MEMO1: variants seen among roughly 807,000 people sequenced by gnomAD.
MEMO1 encodes protein MEMO1.
Under a neutral mutation model 45.2 loss-of-function variants are expected in MEMO1, and 6 were observed. That is an observed-to-expected ratio of 0.13 (90% CI 0.07 to 0.26). The LOEUF (loss-of-function observed/expected upper bound fraction) is 0.26. MEMO1 is among the 10% of genes least tolerant of loss of function. MEMO1 has a pLI of 1.00. For synonymous variants in MEMO1, 78 were observed against 124.3 expected, an observed-to-expected ratio of 0.63 and a Z score of 2.48; for missense variants, 184 against 370.5, an observed-to-expected ratio of 0.50 and a Z score of 4.13.
chr2:31,928,827 C>A (rs556611918), intron 4 of MEMO1, among the ~76,000 whole-genome samples: 2 of 151,980 alleles, frequency 1.3e-5, no homozygotes, highest in South Asian at 4.2e-4. Flanking sequence ...AATGTTATAC[C>A]CCGCTTTTTT....
chr2:32,003,096 A>T (rs1673610595), intron 2 of MEMO1, among the ~76,000 whole-genome samples: 1 of 152,152 alleles, frequency 6.6e-6, no homozygotes, highest in African/African-American at 2.4e-5. Context: ...ACACACCAAG[A>T]TGTATTATTT....
chr2:31,882,768 C>T (rs1227932765), intron 8 of MEMO1, among the ~76,000 whole-genome samples: 6 of 152,072 alleles, frequency 3.9e-5, no homozygotes, highest in Admixed American at 1.3e-4. Context: ...GGTAAAGGGG[C>T]AATAATTTAA....
chr2:31,960,663 G>A (rs767869038), intron 2 of MEMO1, among the ~76,000 whole-genome samples: 1 of 152,026 alleles, frequency 6.6e-6, no homozygotes, highest in Non-Finnish European at 1.5e-5. Context: ...TTGGCTCACT[G>A]CAACCTCCAC....
intron 8 of MEMO1, among the ~76,000 whole-genome samples, chr2:31,876,532 C>A (rs749835851): frequency 1.3e-5 from 2 of 152,148 alleles, no homozygotes; most frequent in Non-Finnish European, 2.9e-5. Flanking sequence ...TTGCTTACTG[C>A]TGTATCTCCA....
chr2:31,959,130 C>T (rs1667713856), intron 2 of MEMO1, among the ~76,000 whole-genome samples: 1 of 152,052 alleles, frequency 6.6e-6, no homozygotes, highest in African/African-American at 2.4e-5. Context: ...TTGGACACAC[C>T]AAAAGTTATA....
intron 2 of MEMO1, among the ~76,000 whole-genome samples, chr2:31,944,585 C>T (rs899448213): frequency 2.0e-5 from 3 of 152,194 alleles, no homozygotes; most frequent in African/African-American, 4.8e-5. Context: ...AAGAGCCAAA[C>T]GGTATTTCTG....
At chr2:31,967,671 T>C (rs758446666) in intron 2 of MEMO1, among the ~76,000 whole-genome samples, 1 of 151,980 alleles carries the variant, frequency 6.6e-6, no homozygotes, top group Non-Finnish European at 1.5e-5. Context: ...CTCAAACTCC[T>C]GGGCTCAAGT....
chr2:31,987,214 G>A (rs1193482003), intron 2 of MEMO1, among the ~76,000 whole-genome samples: 1 of 152,048 alleles, frequency 6.6e-6, no homozygotes, highest in Non-Finnish European at 1.5e-5. Context: ...TGTTGTCCTG[G>A]CTGGTCTCAA....
chr2:31,951,332 A>G (rs1324958851), intron 2 of MEMO1, among the ~76,000 whole-genome samples: 1 of 152,178 alleles, frequency 6.6e-6, no homozygotes, highest in Admixed American at 6.5e-5. Context: ...GAAAACATAC[A>G]TATTAAAATT....
intron 2 of MEMO1, among the ~76,000 whole-genome samples, chr2:31,971,574 C>T (rs940225299): frequency 3.3e-5 from 5 of 152,046 alleles, no homozygotes; most frequent in African/African-American, 1.2e-4. Flanking sequence ...TAGAGTCTTG[C>T]TGTGTTGCCC....
chr2:31,926,670 G>A (rs1683162628), intron 4 of MEMO1, among the ~76,000 whole-genome samples: 1 of 151,916 alleles, frequency 6.6e-6, no homozygotes. Flanking sequence ...CCAACATGGT[G>A]AAACCGTCTC....
intron 2 of MEMO1, among the ~76,000 whole-genome samples, chr2:32,000,760 T>C (rs1163397672): frequency 6.6e-6 from 1 of 151,916 alleles, no homozygotes; most frequent in African/African-American, 2.4e-5. Context: ...TTACTCTCCA[T>C]AGCACTTTCC....
chr2:32,005,423 C>A (rs1673947214), intron 2 of MEMO1, among the ~76,000 whole-genome samples: 1 of 150,798 alleles, frequency 6.6e-6, no homozygotes, highest in Admixed American at 6.6e-5. Context: ...ATACAAGGAA[C>A]ATGGAATGGG....
intron 2 of MEMO1, among the ~76,000 whole-genome samples, chr2:31,974,615 T>G (rs1391869118): frequency 6.6e-6 from 1 of 151,996 alleles, no homozygotes; most frequent in Admixed American, 6.6e-5. Flanking sequence ...CATGGTTGTA[T>G]GCACCTGTAG....
chr2:31,995,839 C>G (rs1318895693), intron 2 of MEMO1, among the ~76,000 whole-genome samples: 2 of 151,950 alleles, frequency 1.3e-5, no homozygotes, highest in Non-Finnish European at 2.9e-5. Flanking sequence ...ATGATAACAG[C>G]AGGAAAATGG....
At chr2:31,913,717 G>C (rs1680982472) in intron 6 of MEMO1, among the ~76,000 whole-genome samples, 1 of 152,116 alleles carries the variant, frequency 6.6e-6, no homozygotes, top group Non-Finnish European at 1.5e-5. Context: ...GTCAAGACTA[G>C]TTGCTCCAGG....
intron 2 of MEMO1, among the ~76,000 whole-genome samples, chr2:31,988,408 G>A (rs1360036561): frequency 6.6e-6 from 1 of 151,944 alleles, no homozygotes; most frequent in Non-Finnish European, 1.5e-5. Flanking sequence ...TTAGCTGGGC[G>A]TGGTGGCACA....
At chr2:31,971,534 C>T (rs2148462273) in intron 2 of MEMO1, among the ~76,000 whole-genome samples, 1 of 152,092 alleles carries the variant, frequency 6.6e-6, no homozygotes, top group South Asian at 2.1e-4. Flanking sequence ...CCAGCCTAAA[C>T]CCTTTATTTT....
intron 4 of MEMO1, among the ~76,000 whole-genome samples, chr2:31,928,551 A>G (rs1376745482): frequency 6.7e-6 from 1 of 149,470 alleles, no homozygotes; most frequent in African/African-American, 2.5e-5. Context: ...CATCTCAAAA[A>G]AAAAAAAAAA....
Sources: allele counts gnomAD v4.1 joint callset (sites outside exome capture counted in the v4.1 genomes callset), GRCh38; gene constraint gnomAD v4.1.1; transcripts MANE v1.5; gene names NCBI Gene and HGNC (gene_info 2026-07-23, HGNC 2026-07-21).